RAP1GDS1: variants seen among roughly 807,000 people sequenced by gnomAD.
RAP1GDS1 encodes Rap1 GTPase-GDP dissociation stimulator 1.
Under a neutral mutation model 71.1 loss-of-function variants are expected in RAP1GDS1, and 35 were observed. The ratio of observed to expected loss-of-function variants is 0.49; its 90% CI spans 0.38 to 0.65. RAP1GDS1 has a LOEUF of 0.65. RAP1GDS1 is among the 30% of genes least tolerant of loss of function. The pLI, the probability that RAP1GDS1 is intolerant of heterozygous loss-of-function variation, is 0.00. For missense variants in RAP1GDS1, 663 were observed against 706.1 expected (o/e 0.94, Z 0.69); for synonymous variants, 229 against 243.1 (o/e 0.94, Z 0.54).
chr4:98,372,768 T>C (rs1425948494), intron 4 of RAP1GDS1, among the ~76,000 whole-genome samples: 1 of 152,144 alleles, frequency 6.6e-6, no homozygotes, highest in African/African-American at 2.4e-5. Context: ...CACTGTAACC[T>C]TGAACTCCTA....
chr4:98,310,771 T>G (rs1011945224), intron 2 of RAP1GDS1, among the ~76,000 whole-genome samples: 23 of 152,064 alleles, frequency 1.5e-4, no homozygotes, highest in Non-Finnish European at 1.8e-4. Flanking sequence ...ACGGCAAAGT[T>G]GAAATTGAGA....
At position 98,283,001 on chromosome 4, in the gene RAP1GDS1, T is replaced by C. The variant is rs527871392; in HGVS notation, c.5-10407T>C. Among the ~76,000 whole-genome samples the C allele has an allele frequency of 1.2e-4, 19 of 152,126 alleles. No individual in the cohort carries two copies. The South Asian group carries it at 3.9e-3, about 32-fold the overall frequency. ...TCTGAGAGACAGTTTGTTATGATTT[T>C]TGTTCTAGGAATTGAACGTTAAAAA... is the stretch of plus-strand genomic sequence containing the variant. On this transcript the variant is annotated intron_variant, in intron 1 of 14. Transcript: ENST00000408927.
intron 11 of RAP1GDS1, 119 bp downstream of exon 11, chr4:98,420,263 A>C (rs1008942231): frequency 3.0e-6 from 3 of 1,012,584 alleles, no homozygotes; most frequent in African/African-American, 3.4e-5. Context: ...ATAGCAAATA[A>C]AAGATTTAAA....
At chr4:98,431,881 T>C (rs1250893292) in intron 12 of RAP1GDS1, among the ~76,000 whole-genome samples, 1 of 152,232 alleles carries the variant, frequency 6.6e-6, no homozygotes, top group Non-Finnish European at 1.5e-5. Context: ...AATGATTTCA[T>C]AGAATAGCTA....
chr4:98,305,253 C>T (rs1481654271), intron 2 of RAP1GDS1, among the ~76,000 whole-genome samples: 1 of 151,964 alleles, frequency 6.6e-6, no homozygotes, highest in Non-Finnish European at 1.5e-5. Flanking sequence ...TTATAAATTA[C>T]TTTGGGCAGT....
At chr4:98,413,448 C>T (rs987424706) in intron 7 of RAP1GDS1, among the ~76,000 whole-genome samples, 22 of 151,892 alleles carry the variant, frequency 1.4e-4, no homozygotes, top group African/African-American at 5.1e-4. Flanking sequence ...TCAATTCCCA[C>T]CTATGAGTGA....
chr4:98,360,566 G>T (rs772008119), intron 4 of RAP1GDS1, among the ~76,000 whole-genome samples: 1 of 152,088 alleles, frequency 6.6e-6, no homozygotes, highest in African/African-American at 2.4e-5. Flanking sequence ...TGAAACATAA[G>T]ATTTCCAGTC....
chr4:98,343,651 T>G (rs1390195433), intron 3 of RAP1GDS1, among the ~76,000 whole-genome samples: 2 of 152,216 alleles, frequency 1.3e-5, no homozygotes, highest in African/African-American at 4.8e-5. Flanking sequence ...TCTTTTTTAG[T>G]TTGGCCTATT....
At chr4:98,354,614 G>A (rs1330070290) in intron 4 of RAP1GDS1, among the ~76,000 whole-genome samples, 2 of 152,034 alleles carry the variant, frequency 1.3e-5, no homozygotes, top group Non-Finnish European at 2.9e-5. Flanking sequence ...TTATTCTTTT[G>A]ATGAAACTGA....
chr4:98,366,218 G>A (rs571961784), intron 4 of RAP1GDS1, among the ~76,000 whole-genome samples: 59 of 152,194 alleles, frequency 3.9e-4, no homozygotes, highest in Admixed American at 2.3e-3. Context: ...TGCTATTTTC[G>A]TGATAGTAAG....
chr4:98,273,788 T>G (rs1381802168), intron 1 of RAP1GDS1, among the ~76,000 whole-genome samples: 2 of 152,200 alleles, frequency 1.3e-5, no homozygotes, highest in East Asian at 1.9e-4. Flanking sequence ...GTTTTGTTTT[T>G]TTTCCCAAGA....
intron 3 of RAP1GDS1, 78 bp downstream of exon 3, chr4:98,343,339 TTA>T: frequency 6.8e-7 from 1 of 1,469,560 alleles, no homozygotes; most frequent in Non-Finnish European, 9.4e-7. Flanking sequence ...CTTTATTAAT[TTA>T]TGTTTTAATT....
At position 98,343,177 on chromosome 4, in the gene RAP1GDS1, C is replaced by T; in HGVS notation, c.151C>T (p.Leu51Phe). 1 of 1,608,554 alleles carries T rather than the reference C, an allele frequency of 6.2e-7. No homozygotes were observed. Among genetic ancestry groups the T allele is most frequent in the Non-Finnish European group, 8.5e-7 (1 of 1,175,204 alleles). ...TSEKIQASGILQLFASLLTPQ... is the reference protein window; with the variant it reads ...TSEKIQASGIFQLFASLLTPQ... ...TGAAAAAATCCAAGCAAGTGGAATA[C>T]TTCAGCTGTTTGCAAGTCTGTTGAC... is the stretch of plus-strand genomic sequence containing the variant. Residue 51 changes from leucine (L) to phenylalanine (F), a missense_variant, in exon 3 of 15, where the codon CTT (leucine) becomes TTT (phenylalanine). Transcript: ENST00000408927.
intron 2 of RAP1GDS1, among the ~76,000 whole-genome samples, chr4:98,332,574 G>A (rs371304392): frequency 1.3e-5 from 2 of 152,150 alleles, no homozygotes; most frequent in African/African-American, 2.4e-5. Context: ...CAAATCATGT[G>A]CAGTGAGACA....
chr4:98,377,628 T>TTGTGTGTGTGTGTG (rs58691883), intron 4 of RAP1GDS1, among the ~76,000 whole-genome samples: 112 of 149,382 alleles, frequency 7.5e-4, no homozygotes, highest in South Asian at 4.6e-3. Flanking sequence ...TACTATATAA[T>TTGTGTGTGTGTGTG]TGTGTGTGTG....
intron 2 of RAP1GDS1, among the ~76,000 whole-genome samples, chr4:98,336,869 C>T (rs1734778213): frequency 6.6e-6 from 1 of 151,704 alleles, no homozygotes; most frequent in African/African-American, 2.4e-5. Flanking sequence ...TGTTTTCATT[C>T]TGGGTTTTTT....
chr4:98,333,172 AT>A (rs1479594175), intron 2 of RAP1GDS1, among the ~76,000 whole-genome samples: 1 of 151,638 alleles, frequency 6.6e-6, no homozygotes, highest in Non-Finnish European at 1.5e-5. Flanking sequence ...TCCTTTTCTT[AT>A]TTCCTTCTTA....
rs73834446 is a variant in RAP1GDS1, at chr4:98,354,586, A to G, written c.361+1985A>G. 5.0e-3 allele frequency among the ~76,000 whole-genome samples: 754 copies of G among 152,270 alleles called. 7 individuals are homozygous for G. The highest frequency in any genetic ancestry group is 0.018 in the South Asian group (86 of 4,824). ...AAAGAACCTTGAAGTTAGGGTAATA[A>G]ATGTCTAGTTAACAAGATTATTCTT... On this transcript the variant is annotated intron_variant, in intron 4 of 14. Transcript: ENST00000408927.
At chr4:98,398,421 T>C (rs1744874963) in intron 6 of RAP1GDS1, among the ~76,000 whole-genome samples, 2 of 152,060 alleles carry the variant, frequency 1.3e-5, no homozygotes, top group Non-Finnish European at 2.9e-5. Flanking sequence ...AGCGCATCAA[T>C]GTGAAATTTT....
Sources: allele counts gnomAD v4.1 joint callset (sites outside exome capture counted in the v4.1 genomes callset), GRCh38; gene constraint gnomAD v4.1.1; transcripts MANE v1.5; gene names NCBI Gene and HGNC (gene_info 2026-07-23, HGNC 2026-07-21).